The following CCDC73 variants were observed in gnomAD, a reference collection of about 807,000 sequenced individuals.
CCDC73 encodes the protein coiled-coil domain-containing protein 73.
A neutral mutation model predicts 116.5 loss-of-function variants in CCDC73; 95 were observed. The observed-to-expected ratio is 0.82, with a 90% CI of 0.69 to 0.97. CCDC73 has a LOEUF of 0.97. Among genes scored for constraint, CCDC73 ranks in the 50% least tolerant of loss-of-function variants. The pLI is 0.00. For missense variants in CCDC73, 1,066 were observed against 1,206.8 expected (o/e 0.88, Z 1.73); for synonymous variants, 398 against 401.3 (o/e 0.99, Z 0.10).
intron 2 of CCDC73, among the ~76,000 whole-genome samples, chr11:32,736,927 C>T (rs913900203): frequency 8.1e-6 from 1 of 123,362 alleles, no homozygotes; most frequent in Non-Finnish European, 1.7e-5. Context: ...AAGCAAACAC[C>T]ACATGTTCTC....
chr11:32,781,256 T>A (rs7109509), intron 1 of CCDC73, among the ~76,000 whole-genome samples: 87,551 of 152,076 alleles, frequency 0.58, 25,524 homozygotes, highest in East Asian at 0.85. Flanking sequence ...GATTGAACAG[T>A]GGTATTTAGT....
rs1856185740 is a variant in CCDC73 at position 32,685,252 on chromosome 11, G to A, written c.391-1678C>T. 3.2e-5 allele frequency among the ~76,000 whole-genome samples: 4 copies of A among 124,002 alleles called. No individual in the cohort carries two copies. The South Asian group carries it at 1.1e-3, about 34-fold the overall frequency. 81.4% of individuals were successfully genotyped at this position (124,002 alleles called of 152,430 possible). A position where few individuals can be genotyped will look rare whatever the true frequency, so the allele number is the denominator to read the frequency against. On this transcript the variant is annotated intron_variant, in intron 6 of 17. Transcript: ENST00000335185. ...TAAAGCATTGATATAGACATTGGGG[G>A]TACAACACTGGACCAAAAAAAAAAA...
At chr11:32,774,068 T>A (rs1850512484) in intron 1 of CCDC73, among the ~76,000 whole-genome samples, 5 of 152,162 alleles carry the variant, frequency 3.3e-5, no homozygotes. Flanking sequence ...GATTTTTACT[T>A]AATTTTCATT....
chr11:32,752,951 C>T (rs1372797339), intron 2 of CCDC73, among the ~76,000 whole-genome samples: 1 of 152,062 alleles, frequency 6.6e-6, no homozygotes, highest in African/African-American at 2.4e-5. Flanking sequence ...GGACTATGGG[C>T]ACATGCCATC....
At chr11:32,607,524 A>G (rs1471198345) in intron 17 of CCDC73, among the ~76,000 whole-genome samples, 1 of 152,250 alleles carries the variant, frequency 6.6e-6, no homozygotes, top group Non-Finnish European at 1.5e-5. Flanking sequence ...GTTTGAAAGT[A>G]GAACAGCTAT....
chr11:32,608,658 G>A (rs577658933), intron 17 of CCDC73, among the ~76,000 whole-genome samples: 1 of 152,276 alleles, frequency 6.6e-6, no homozygotes, highest in East Asian at 1.9e-4. Context: ...CACCCCAGTA[G>A]GGACTCTATA....
At chr11:32,710,461 C>T (rs750675683) in intron 3 of CCDC73, among the ~76,000 whole-genome samples, 7 of 151,814 alleles carry the variant, frequency 4.6e-5, no homozygotes, top group South Asian at 2.1e-4. Context: ...ATTCAGGAGC[C>T]GGCTATTTAA....
chr11:32,762,126 C>G (rs1373513019), intron 1 of CCDC73, among the ~76,000 whole-genome samples: 1 of 152,148 alleles, frequency 6.6e-6, no homozygotes, highest in Non-Finnish European at 1.5e-5. Context: ...CAAGTTGACA[C>G]ATAAAATTAA....
Position 32,661,361 on chromosome 11 carries a change from A to G in CCDC73, c.646-6389T>C, listed in dbSNP as rs1474566641. On this transcript the variant is annotated intron_variant, in intron 9 of 17. Coordinates refer to ENST00000335185, the MANE Select transcript of CCDC73 (RefSeq NM_001008391.4). ...ACATGTGGACAACGTGCAGGTTTGTAACGTATGCATACATGTGCCATGGTG... is the reference window on the plus strand; with the variant it reads ...ACATGTGGACAACGTGCAGGTTTGTGACGTATGCATACATGTGCCATGGTG... 2.6e-5 allele frequency among the ~76,000 whole-genome samples: 4 copies of G among 152,046 alleles called. No individual in the cohort carries two copies. The East Asian group carries it at 7.7e-4, about 29-fold the overall frequency.
Position 32,688,092 on chromosome 11 carries a change from C to G in CCDC73, c.391-4518G>C, listed in dbSNP as rs937362738. On this transcript the variant is annotated intron_variant, in intron 6 of 17. Transcript: ENST00000335185. ...AGTTTGGTGAGAAATGACATATTTA[C>G]ATAGTTTCAAAGTTCTCTTCACAAA... 5.3e-5 allele frequency among the ~76,000 whole-genome samples: 8 copies of G among 152,198 alleles called. No homozygotes were observed. The East Asian group carries it at 1.2e-3, about 22-fold the overall frequency.
chr11:32,795,782 C>T (rs888840087), upstream of CCDC73, among the ~76,000 whole-genome samples: 2 of 151,796 alleles, frequency 1.3e-5, no homozygotes, highest in Non-Finnish European at 2.9e-5. Flanking sequence ...CTCCGCCTCC[C>T]GGGTTCAAGC....
chr11:32,692,488 T>A (rs1272617740), intron 6 of CCDC73, among the ~76,000 whole-genome samples: 2 of 151,990 alleles, frequency 1.3e-5, no homozygotes, highest in African/African-American at 2.4e-5. Flanking sequence ...TTTGGTTCTA[T>A]AAGAGGAATT....
intron 14 of CCDC73, among the ~76,000 whole-genome samples, chr11:32,633,144 C>T (rs896886986): frequency 1.3e-5 from 2 of 152,164 alleles, no homozygotes; most frequent in African/African-American, 4.8e-5. Flanking sequence ...ATCTCTGCCT[C>T]CCAGGTTCAA....
the CCDC73 span, among the ~76,000 whole-genome samples, chr11:32,807,796 G>T: frequency 6.6e-6 from 1 of 152,090 alleles, no homozygotes; most frequent in Non-Finnish European, 1.5e-5. Flanking sequence ...GTAGCCACAG[G>T]TACTATGTAA....
At chr11:32,690,382 T>C (rs906272397) in intron 6 of CCDC73, among the ~76,000 whole-genome samples, 1 of 152,178 alleles carries the variant, frequency 6.6e-6, no homozygotes, top group African/African-American at 2.4e-5. Context: ...ATATACTCCC[T>C]GCCCCACACA....
At chr11:32,721,886 C>A (rs1849993346) in intron 2 of CCDC73, among the ~76,000 whole-genome samples, 1 of 152,042 alleles carries the variant, frequency 6.6e-6, no homozygotes, top group Non-Finnish European at 1.5e-5. Context: ...CATGAGCCAC[C>A]GTGCCCAGCC....
At chr11:32,615,658 A>T (rs1855467091) in intron 15 of CCDC73, among the ~76,000 whole-genome samples, 1 of 152,166 alleles carries the variant, frequency 6.6e-6, no homozygotes, top group Non-Finnish European at 1.5e-5. Context: ...TCCAATCAGT[A>T]TCAGCTTTAA....
intron 12 of CCDC73, among the ~76,000 whole-genome samples, chr11:32,647,314 C>T (rs1428370911): frequency 6.6e-6 from 1 of 152,146 alleles, no homozygotes; most frequent in Non-Finnish European, 1.5e-5. Flanking sequence ...AGGTGCCACA[C>T]ACTTTTAAAC....
intron 1 of CCDC73, among the ~76,000 whole-genome samples, chr11:32,771,377 G>C (rs148263786): frequency 6.6e-6 from 1 of 152,112 alleles, no homozygotes; most frequent in African/African-American, 2.4e-5. Context: ...GACCACTCCC[G>C]GGTTGCAGAA....
Sources: allele counts gnomAD v4.1 joint callset (sites outside exome capture counted in the v4.1 genomes callset), GRCh38; gene constraint gnomAD v4.1.1; transcripts MANE v1.5; gene names NCBI Gene and HGNC (gene_info 2026-07-23, HGNC 2026-07-21).